The following MYH11 variants were observed in gnomAD, a reference collection of about 807,000 sequenced individuals.
The protein encoded by MYH11 is myosin-11.
MYH11 carries 80 observed loss-of-function variants against 246.6 expected under a neutral mutation model. The observed-to-expected ratio is 0.32, with a 90% confidence interval of 0.27 to 0.39. The LOEUF is 0.39. Among genes scored for constraint, MYH11 ranks in the 10% least tolerant of loss-of-function variants. The probability of loss-of-function intolerance (pLI) is 1.00; values close to 1 mark genes in which losing one functional copy is unlikely to be tolerated. For missense variants in MYH11, 2,158 were observed against 2,546.8 expected (o/e 0.85, Z 3.29); for synonymous variants, 1,071 against 1,015.5 (o/e 1.05, Z -1.04).
chr16:15,711,437 T>A (rs576814486), intron 40 of MYH11, among the ~76,000 whole-genome samples: 1 of 152,218 alleles, frequency 6.6e-6, no homozygotes, highest in Non-Finnish European at 1.5e-5. Flanking sequence ...TAGCTAGATA[T>A]TGAACTTGAT....
intron 1 of MYH11, among the ~76,000 whole-genome samples, chr16:15,843,499 G>T (rs2044108275): frequency 6.6e-6 from 1 of 150,672 alleles, no homozygotes; most frequent in Non-Finnish European, 1.5e-5. Context: ...GACCATCCTG[G>T]CTAACACGGC....
chr16:15,745,244 AG>A lies in MYH11; in HGVS notation c.2412-8del, dbSNP rs1445703494. ...CTGCCTCTTGGCAAAAGCCCTAGGG[AG>A]GGGGGAAGAGAAGGTGCGGGGGTCA... On this transcript the variant is annotated splice_polypyrimidine_tract_variant and splice_region_variant and intron_variant, in intron 19 of 40. Coordinates refer to ENST00000300036, the MANE Select transcript of MYH11 (RefSeq NM_002474.3). The A allele has an allele frequency of 2.5e-6, 4 of 1,606,898 alleles. No homozygotes were observed. Among genetic ancestry groups the A allele is most frequent in the Non-Finnish European group, 3.4e-6 (4 of 1,174,274 alleles).
intron 28 of MYH11, chr16:15,725,558 C>T (rs2040712340): frequency 1.5e-5 from 6 of 408,498 alleles, no homozygotes; most frequent in Non-Finnish European, 2.6e-5. Context: ...GCATAAGTCC[C>T]TTTGAGGCTG....
chr16:15,758,211 C>G (rs1428683213), intron 12 of MYH11, among the ~76,000 whole-genome samples: 1 of 152,160 alleles, frequency 6.6e-6, no homozygotes, highest in African/African-American at 2.4e-5. Context: ...CCTCACACAC[C>G]TTAAAGATGC....
chr16:15,780,837 C>G (rs961585940), intron 6 of MYH11, among the ~76,000 whole-genome samples: 11 of 152,096 alleles, frequency 7.2e-5, no homozygotes, highest in African/African-American at 2.7e-4. Context: ...AAATGTTGTT[C>G]TAATACAAGA....
intron 18 of MYH11, 35 bp downstream of exon 18, chr16:15,747,839 A>G (rs751804847): frequency 2.9e-5 from 47 of 1,612,954 alleles, no homozygotes; most frequent in Non-Finnish European, 3.7e-5. Flanking sequence ...TTGCGGCCAG[A>G]GGTTGGGAGG....
intron 3 of MYH11, among the ~76,000 whole-genome samples, chr16:15,804,689 A>G (rs1376248338): frequency 4.6e-5 from 7 of 152,164 alleles, no homozygotes. Flanking sequence ...AAGCCCTTGC[A>G]ACCGCCAATT....
At chr16:15,724,441 G>T in intron 30 of MYH11, 32 bp from the exon 31 acceptor site, 1 of 1,612,798 alleles carries the variant, frequency 6.2e-7, no homozygotes, top group Non-Finnish European at 8.5e-7. Flanking sequence ...TAGGGTGAGA[G>T]GGGGACCATG....
intron 2 of MYH11, among the ~76,000 whole-genome samples, chr16:15,828,397 C>T (rs1223658741): frequency 1.3e-5 from 2 of 152,124 alleles, no homozygotes. Context: ...AACACTTTTC[C>T]CCTCATCTTC....
At chr16:15,782,718 C>G in intron 5 of MYH11, 1 of 506,758 alleles carries the variant, frequency 2.0e-6, no homozygotes. Context: ...TTTTCAAGAC[C>G]AGGGCCTGCT....
chr16:15,749,083 A>G (rs1465551547), intron 16 of MYH11: 1 of 150,796 alleles, frequency 6.6e-6, no homozygotes, highest in Non-Finnish European at 1.5e-5. Context: ...ACCTCACACC[A>G]TCTGATTCCT....
intron 31 of MYH11, among the ~76,000 whole-genome samples, chr16:15,722,631 A>G (rs2040545281): frequency 6.6e-6 from 1 of 152,350 alleles, no homozygotes; most frequent in South Asian, 2.1e-4. Context: ...GAGGTAGCTG[A>G]TGGGAAGAGG....
intron 16 of MYH11, 143 bp from the exon 17 acceptor site, chr16:15,748,311 C>T (rs916790304): frequency 4.3e-6 from 6 of 1,410,440 alleles, no homozygotes; most frequent in East Asian, 2.5e-5. Context: ...AGCTGAGGGC[C>T]GAGGGGCAAA....
At chr16:15,832,660 CA>C (rs1567207581) in intron 2 of MYH11, among the ~76,000 whole-genome samples, 1 of 152,176 alleles carries the variant, frequency 6.6e-6, no homozygotes, top group Non-Finnish European at 1.5e-5. Context: ...ATTAGTCTAG[CA>C]CCTAGTTAGG....
chr16:15,791,098 G>A (rs1841948020), intron 4 of MYH11: 1 of 151,784 alleles, frequency 6.6e-6, no homozygotes, highest in South Asian at 2.1e-4. Flanking sequence ...TGGAACTACA[G>A]GTGCCCGCCA....
intron 27 of MYH11, among the ~76,000 whole-genome samples, chr16:15,732,308 C>G (rs1269989979): frequency 6.6e-6 from 1 of 152,160 alleles, no homozygotes; most frequent in Admixed American, 6.6e-5. Flanking sequence ...CTATGTTGCC[C>G]AGGCTGGTCT....
intron 3 of MYH11, among the ~76,000 whole-genome samples, chr16:15,810,373 G>A (rs1356847193): frequency 6.6e-6 from 1 of 151,912 alleles, no homozygotes; most frequent in African/African-American, 2.4e-5. Context: ...CTCCTTTGCT[G>A]TCTCCCTTCC....
At chr16:15,760,365 G>A (rs1406008144) in intron 11 of MYH11, among the ~76,000 whole-genome samples, 175 bp downstream of exon 11, 1 of 152,052 alleles carries the variant, frequency 6.6e-6, no homozygotes, top group Non-Finnish European at 1.5e-5. Context: ...TGGATGGATG[G>A]ATGGATGAAC....
chr16:15,803,235 G>C lies in MYH11; in HGVS notation c.503-4548C>G, dbSNP rs140746285. Among the ~76,000 whole-genome samples the C allele has an allele frequency of 8.6e-4, 131 of 151,908 alleles. 1 individual carries two copies. The highest frequency in any genetic ancestry group is 7.6e-3 in the Admixed American group (116 of 15,234). ...CGTGCCTTTAGCTTCCACCCAGGGG[G>C]AGAAATTCACTCGAGGACAGAGCAA... On this transcript the variant is annotated intron_variant, in intron 3 of 40. Coordinates refer to ENST00000300036, the MANE Select transcript of MYH11 (RefSeq NM_002474.3).
Sources: allele counts gnomAD v4.1 joint callset (sites outside exome capture counted in the v4.1 genomes callset), GRCh38; gene constraint gnomAD v4.1.1; transcripts MANE v1.5; gene names NCBI Gene and HGNC (gene_info 2026-07-23, HGNC 2026-07-21).